DTWD2: variants seen among roughly 807,000 people sequenced by gnomAD.
DTWD2 encodes the protein DTW motif tRNA-uridine aminocarboxypropyltransferase 2, also known as tRNA-uridine aminocarboxypropyltransferase 2.
Under a neutral mutation model 31.8 loss-of-function variants are expected in DTWD2, and 39 were observed. That is an observed-to-expected ratio of 1.22 (90% CI 0.95 to 1.60). The LOEUF is 1.60. Among genes scored for constraint, DTWD2 ranks in the 40% most tolerant of loss-of-function variants. DTWD2 has a pLI of 0.00. For synonymous variants in DTWD2, 180 were observed against 142.8 expected (o/e 1.26, Z -1.86); for missense variants, 515 against 381.5 (o/e 1.35, Z -2.92).
chr5:118,857,679 T>A (rs547248148), intron 4 of DTWD2, among the ~76,000 whole-genome samples: 2 of 152,322 alleles, frequency 1.3e-5, no homozygotes, highest in East Asian at 3.9e-4. Context: ...ATATTGTGTT[T>A]AAGGAATCTT....
intron 4 of DTWD2, among the ~76,000 whole-genome samples, chr5:118,855,925 T>C (rs1752123158): frequency 6.6e-6 from 1 of 152,134 alleles, no homozygotes; most frequent in Non-Finnish European, 1.5e-5. Context: ...ATTTTTAATA[T>C]TTATAAAATA....
chr5:118,895,187 C>A (rs1022533210), intron 4 of DTWD2, among the ~76,000 whole-genome samples: 1 of 152,010 alleles, frequency 6.6e-6, no homozygotes, highest in Non-Finnish European at 1.5e-5. Context: ...AAAATCAACA[C>A]GCAAAAATGA....
intron 4 of DTWD2, among the ~76,000 whole-genome samples, chr5:118,900,723 G>C (rs779704166): frequency 1.4e-4 from 22 of 151,974 alleles, no homozygotes; most frequent in Non-Finnish European, 2.5e-4. Context: ...TCAGGAGATC[G>C]AGACCATCCT....
intron 4 of DTWD2, among the ~76,000 whole-genome samples, chr5:118,870,712 T>G (rs1173148095): frequency 6.6e-6 from 1 of 152,130 alleles, no homozygotes; most frequent in African/African-American, 2.4e-5. Flanking sequence ...AAAGGTTGGG[T>G]AGGCTGTGGC....
intron 1 of DTWD2, among the ~76,000 whole-genome samples, chr5:118,948,808 G>A (rs1040021220): frequency 3.3e-5 from 5 of 152,158 alleles, no homozygotes; most frequent in African/African-American, 1.2e-4. Context: ...AAGGAAAGAG[G>A]AGTGGGGAAA....
chr5:118,911,930 C>T (rs1753466911), intron 4 of DTWD2, among the ~76,000 whole-genome samples: 1 of 152,166 alleles, frequency 6.6e-6, no homozygotes, highest in Admixed American at 6.5e-5. Context: ...ACACAAAGTA[C>T]CAAAACAAGG....
At chr5:118,859,522 T>A (rs1384190219) in intron 4 of DTWD2, among the ~76,000 whole-genome samples, 1 of 152,246 alleles carries the variant, frequency 6.6e-6, no homozygotes, top group African/African-American at 2.4e-5. Context: ...TATGGATCCG[T>A]TCAATTGGCT....
At chr5:118,843,043 G>A (rs1045534711) in intron 5 of DTWD2, among the ~76,000 whole-genome samples, 6 of 142,000 alleles carry the variant, frequency 4.2e-5, no homozygotes, top group South Asian at 4.6e-4. Flanking sequence ...TGCAACCTCC[G>A]CCTCCTGGGT....
chr5:118,914,382 T>A (rs1254225879), intron 4 of DTWD2, among the ~76,000 whole-genome samples: 2 of 152,212 alleles, frequency 1.3e-5, no homozygotes, highest in Non-Finnish European at 2.9e-5. Context: ...TGCCTTAATA[T>A]TAGAATTCCC....
intron 1 of DTWD2, among the ~76,000 whole-genome samples, chr5:118,963,683 T>C (rs1347074395): frequency 2.6e-5 from 4 of 152,214 alleles, no homozygotes; most frequent in African/African-American, 7.2e-5. Context: ...AAAAAATTCA[T>C]TGCCGAGTGA....
chr5:118,870,730 T>C (rs1474969234), intron 4 of DTWD2, among the ~76,000 whole-genome samples: 1 of 152,134 alleles, frequency 6.6e-6, no homozygotes, highest in African/African-American at 2.4e-5. Flanking sequence ...GGCAATTTCA[T>C]AGAATAAGAC....
rs1330091817 is a variant in DTWD2 at position 118,837,490 on chromosome 5, G to A, written c.*3427C>T. ...TACTTCTGAACCAATAACAACTACAGGCAAGGGTCAACAATTTAGCTCCCT... is the reference window on the plus strand; with the variant it reads ...TACTTCTGAACCAATAACAACTACAAGCAAGGGTCAACAATTTAGCTCCCT... On this transcript the variant is annotated 3_prime_UTR_variant, in exon 6 of 6. Transcript: ENST00000510708. The A allele has an allele frequency of 6.6e-6, 1 of 152,078 alleles. No individual in the cohort carries two copies. The highest frequency in any genetic ancestry group is 1.9e-4 in the East Asian group (1 of 5,188). 9.4% of individuals were successfully genotyped at this position (152,078 alleles called of 1,614,324 possible).
At chr5:118,968,322 A>G (rs1379993621) in intron 1 of DTWD2, among the ~76,000 whole-genome samples, 1 of 152,218 alleles carries the variant, frequency 6.6e-6, no homozygotes, top group African/African-American at 2.4e-5. Context: ...ACTTGAGTGG[A>G]AAAACTGGTG....
chr5:118,881,525 C>T (rs1237994818), intron 4 of DTWD2, among the ~76,000 whole-genome samples: 2 of 152,066 alleles, frequency 1.3e-5, no homozygotes, highest in Admixed American at 1.3e-4. Flanking sequence ...AAAACAAATA[C>T]TACTGGTCTT....
intron 1 of DTWD2, among the ~76,000 whole-genome samples, chr5:118,977,654 A>G (rs1755196396): frequency 6.6e-6 from 1 of 152,220 alleles, no homozygotes; most frequent in Non-Finnish European, 1.5e-5. Context: ...CTCTTTAAGG[A>G]GAACTACAAA....
chr5:118,946,914 A>G (rs912612556), intron 1 of DTWD2, among the ~76,000 whole-genome samples: 1 of 152,106 alleles, frequency 6.6e-6, no homozygotes, highest in Non-Finnish European at 1.5e-5. Flanking sequence ...CTAATTTTTT[A>G]TATTTTCAGT....
intron 4 of DTWD2, among the ~76,000 whole-genome samples, chr5:118,859,106 T>C (rs1752201451): frequency 2.6e-5 from 4 of 152,096 alleles, no homozygotes. Flanking sequence ...TGAGCATCTA[T>C]TGATAATCTC....
At chr5:118,841,269 T>C (rs569993101) in intron 5 of DTWD2, among the ~76,000 whole-genome samples, 182 bp from the exon 6 acceptor site, 3 of 152,322 alleles carry the variant, frequency 2.0e-5, no homozygotes, top group Non-Finnish European at 2.9e-5. Context: ...GTCTTTAAAA[T>C]TCATGCCTTA....
chr5:118,965,799 C>T (rs1438706989), intron 1 of DTWD2, among the ~76,000 whole-genome samples: 3 of 152,140 alleles, frequency 2.0e-5, no homozygotes, highest in African/African-American at 7.2e-5. Context: ...ACAAACATTG[C>T]GGAAGGCCCC....
Sources: gnomAD v4.1 joint callset for allele counts (sites outside exome capture counted in the v4.1 genomes callset) on GRCh38, gnomAD v4.1.1 for gene constraint, MANE v1.5 for transcripts, NCBI Gene and HGNC (gene_info 2026-07-23, HGNC 2026-07-21) for gene names.